Variants in SMC5 observed in about 807,000 individuals in gnomAD.
SMC5 encodes the protein structural maintenance of chromosomes 5, also known as structural maintenance of chromosomes protein 5.
In SMC5, 88 loss-of-function variants were observed where a neutral mutation model predicts 148.3. The ratio of observed to expected loss-of-function variants is 0.59; its 90% CI spans 0.50 to 0.71. SMC5 has a LOEUF of 0.71. Ranked by LOEUF, SMC5 falls within the 30% of genes least tolerant of loss-of-function variation. SMC5 has a pLI of 0.00. For synonymous variants in SMC5, 421 were observed against 432.8 expected (o/e 0.97, Z 0.34); for missense variants, 1,142 against 1,298.9 (o/e 0.88, Z 1.86).
chr9:70,314,938 C>T (rs1284856954), intron 12 of SMC5, 102 bp downstream of exon 12: 1 of 741,584 alleles, frequency 1.3e-6, no homozygotes, highest in Non-Finnish European at 2.0e-6. Context: ...CTTTTAAGAT[C>T]TCTTAAGTCG....
intron 8 of SMC5, among the ~76,000 whole-genome samples, chr9:70,288,696 C>T (rs979780582): frequency 4.6e-5 from 7 of 151,804 alleles, no homozygotes; most frequent in East Asian, 1.9e-4. Flanking sequence ...TAAATGTTTT[C>T]GTTTGAGGTT....
intron 22 of SMC5, among the ~76,000 whole-genome samples, chr9:70,348,795 AATTT>A (rs1410716984): frequency 1.3e-5 from 2 of 152,194 alleles, no homozygotes; most frequent in Non-Finnish European, 2.9e-5. Context: ...GGCTAAAATT[AATTT>A]TTCTTTAAGA....
chr9:70,277,532 C>A, intron 4 of SMC5, 60 bp downstream of exon 4: 2 of 1,372,150 alleles, frequency 1.5e-6, no homozygotes, highest in Non-Finnish European at 2.0e-6. Flanking sequence ...CCTTTTTATG[C>A]CGTTGAAGGG....
At chr9:70,310,050 G>T (rs1048955931) in intron 11 of SMC5, among the ~76,000 whole-genome samples, 3 of 152,152 alleles carry the variant, frequency 2.0e-5, no homozygotes, top group African/African-American at 7.2e-5. Flanking sequence ...ATTTCACCAT[G>T]TTGGCCAGGC....
Position 70,282,461 on chromosome 9 carries a change from C to G in SMC5, c.859C>G (p.Leu287Val). ...TCGTCAGGAATATGAAGAAGTAAAA[C>G]TAGTTCGTGACCGAGTGAAGGAAGA... ...NVRQEYEEVK[L>V]VRDRVKEEVR... Residue 287 changes from leucine (L) to valine (V), a missense_variant, in exon 7 of 25, where the codon CTA (leucine) becomes GTA (valine). Leu to Val is a conservative substitution (Grantham distance 32). Coordinates refer to ENST00000361138, the MANE Select transcript of SMC5 (RefSeq NM_015110.4). The G allele has an allele frequency of 6.2e-7, 1 of 1,603,702 alleles. No individual in the cohort carries two copies. The highest frequency in any genetic ancestry group is 8.5e-7 in the Non-Finnish European group (1 of 1,176,866).
intron 17 of SMC5, among the ~76,000 whole-genome samples, chr9:70,330,421 A>G (rs2036188976): frequency 6.6e-6 from 1 of 152,192 alleles, no homozygotes; most frequent in Non-Finnish European, 1.5e-5. Context: ...CAGGACAGGA[A>G]GAAATATGTT....
rs758143564 is a variant in SMC5, at chr9:70,277,488, A to C, written c.543+16A>C. ...TCTCCCTCAGGTATGAGAGAAATAA[A>C]TGTAAAGATGGGAAAATTTTGTATA... On this transcript the variant is annotated intron_variant, in intron 4 of 24. Coordinates refer to ENST00000361138, the MANE Select transcript of SMC5 (RefSeq NM_015110.4). 6.4e-7 allele frequency: 1 copy of C among 1,560,118 alleles called. No individual in the cohort carries two copies. The highest frequency in any genetic ancestry group is 8.6e-7 in the Non-Finnish European group (1 of 1,158,420).
At chr9:70,333,052 A>G (rs1224914006) in intron 17 of SMC5, among the ~76,000 whole-genome samples, 1 of 152,202 alleles carries the variant, frequency 6.6e-6, no homozygotes, top group African/African-American at 2.4e-5. Context: ...TCTAGTCCAC[A>G]TTGTACTGGA....
chr9:70,312,752 C>T (rs964533021), intron 11 of SMC5, among the ~76,000 whole-genome samples: 3 of 152,146 alleles, frequency 2.0e-5, no homozygotes, highest in African/African-American at 7.2e-5. Flanking sequence ...TTGACTGTTA[C>T]ATCAGTCTGG....
chr9:70,323,092 A>G (rs2035989858), intron 15 of SMC5, among the ~76,000 whole-genome samples: 1 of 152,196 alleles, frequency 6.6e-6, no homozygotes, highest in Admixed American at 6.5e-5. Flanking sequence ...TAGTGGAAAG[A>G]ACATGGACTT....
chr9:70,347,340 T>C (rs1451443030), intron 20 of SMC5, among the ~76,000 whole-genome samples, 179 bp downstream of exon 20: 1 of 152,236 alleles, frequency 6.6e-6, no homozygotes, highest in Non-Finnish European at 1.5e-5. Context: ...TCTGAATCTA[T>C]TAGAATTTTA....
chr9:70,315,577 G>C lies in SMC5; in HGVS notation c.1805G>C (p.Arg602Pro). ...GAAAAGACCAGAGAAAGAATTGAAC[G>C]GGTAGGAAAGTAGTGAATCATGTAC... Reference protein sequence around the residue: ...GTEKTRERIERVIQETRLKQI... With the variant: ...GTEKTRERIEPVIQETRLKQI... The change falls in exon 13 of 25, where the codon CGG becomes CCG. Residue 602 changes from arginine (R) to proline (P), a missense_variant and splice_region_variant. By Grantham distance (103) the Arg-to-Pro change is moderately radical. Around this residue, in one of 5 missense-constraint regions of SMC5, gnomAD observed 743 missense variants for 835.7 expected, o/e 0.89. Coordinates refer to ENST00000361138, the MANE Select transcript of SMC5 (RefSeq NM_015110.4). 6.4e-7 allele frequency: 1 copy of C among 1,568,044 alleles called. No individual in the cohort carries two copies. The highest frequency in any genetic ancestry group is 2.3e-5 in the East Asian group (1 of 43,890).
At chr9:70,272,537 A>AC (rs1363209912) in intron 3 of SMC5, among the ~76,000 whole-genome samples, 2 of 151,974 alleles carry the variant, frequency 1.3e-5, no homozygotes, top group Non-Finnish European at 2.9e-5. Context: ...ACATAGCGAG[A>AC]CTCCATCTCC....
intron 12 of SMC5, 84 bp downstream of exon 12, chr9:70,314,920 A>G: frequency 1.1e-6 from 1 of 893,168 alleles, no homozygotes; most frequent in East Asian, 2.9e-5. Context: ...TACAAGCTGT[A>G]TTATTTCCTT....
chr9:70,314,662 G>A (rs574355067), intron 11 of SMC5, 80 bp from the exon 12 acceptor site: 2 of 614,058 alleles, frequency 3.3e-6, no homozygotes, highest in South Asian at 8.3e-5. Context: ...ACGAATGCCA[G>A]TAGGAGTATG....
At chr9:70,323,688 G>T in intron 16 of SMC5, 82 bp downstream of exon 16, 41 of 1,296,992 alleles carry the variant, frequency 3.2e-5, no homozygotes, top group Middle Eastern at 4.0e-4. Flanking sequence ...AGGGAGGGAA[G>T]GTTTTGATTA....
chr9:70,289,787 T>C (rs1024649505), intron 8 of SMC5, among the ~76,000 whole-genome samples: 1 of 151,866 alleles, frequency 6.6e-6, no homozygotes, highest in Non-Finnish European at 1.5e-5. Context: ...TCCCATCTAA[T>C]TAAGAAAAAA....
At chr9:70,262,078 G>A (rs1319208722) in intron 1 of SMC5, among the ~76,000 whole-genome samples, 1 of 152,146 alleles carries the variant, frequency 6.6e-6, no homozygotes, top group Admixed American at 6.5e-5. Context: ...TTAGGCATGA[G>A]GTAGAGAAAG....
chr9:70,328,316 C>T (rs2036134958), intron 17 of SMC5, among the ~76,000 whole-genome samples: 1 of 152,150 alleles, frequency 6.6e-6, no homozygotes, highest in Admixed American at 6.5e-5. Context: ...AAGCCCTTTC[C>T]ACCTATGAAC....
Sources: gnomAD v4.1 joint callset for allele counts (sites outside exome capture counted in the v4.1 genomes callset) on GRCh38, gnomAD v4.1.1 for gene constraint, gnomAD v4.1.1 regional missense constraint, MANE v1.5 for transcripts, NCBI Gene and HGNC (gene_info 2026-07-23, HGNC 2026-07-21) for gene names.